Variants in PDE2A observed in about 807,000 individuals in gnomAD.
The protein encoded by PDE2A is cGMP-dependent 3',5'-cyclic phosphodiesterase.
PDE2A carries 53 observed loss-of-function variants against 133.6 expected under a neutral mutation model. The observed-to-expected ratio is 0.40, with a 90% CI of 0.32 to 0.50. PDE2A has a LOEUF of 0.50. Ranked by LOEUF, PDE2A falls within the 20% of genes least tolerant of loss-of-function variation. PDE2A has a pLI of 0.73. For missense variants in PDE2A, 796 were observed against 1,232.4 expected, an observed-to-expected ratio of 0.65 and a Z score of 5.30; for synonymous variants, 491 against 490.2, an observed-to-expected ratio of 1.00 and a Z score of -0.02.
chr11:72,629,111 C>T (rs939318646), intron 2 of PDE2A, among the ~76,000 whole-genome samples: 3 of 152,206 alleles, frequency 2.0e-5, no homozygotes, highest in East Asian at 1.9e-4. Context: ...TCCAGATCCT[C>T]GGTCAGAGGG....
intron 27 of PDE2A, 51 bp from the exon 28 acceptor site, chr11:72,579,060 T>C (rs750930417): frequency 2.9e-6 from 4 of 1,375,216 alleles, no homozygotes; most frequent in Non-Finnish European, 3.1e-6. Context: ...TCTTTGCCCT[T>C]CTGAGGACAA....
intron 13 of PDE2A, among the ~76,000 whole-genome samples, chr11:72,587,042 A>G (rs1220890638): frequency 6.6e-6 from 1 of 152,088 alleles, no homozygotes; most frequent in Admixed American, 6.5e-5. Flanking sequence ...CCACACAAAG[A>G]TCCTCATCAT....
chr11:72,607,218 C>T (rs1018746043), intron 3 of PDE2A, among the ~76,000 whole-genome samples: 11 of 152,224 alleles, frequency 7.2e-5, no homozygotes, highest in African/African-American at 2.7e-4. Flanking sequence ...CAGCTGTCAT[C>T]CCAGCCCCCA....
intron 16 of PDE2A, 103 bp from the exon 17 acceptor site, chr11:72,585,047 G>C: frequency 1.8e-6 from 2 of 1,097,038 alleles, no homozygotes; most frequent in Non-Finnish European, 2.8e-6. Flanking sequence ...CCTGGGAGGA[G>C]TGCTCCAAGG....
At chr11:72,629,121 G>A (rs1376140240) in intron 2 of PDE2A, among the ~76,000 whole-genome samples, 1 of 152,252 alleles carries the variant, frequency 6.6e-6, no homozygotes, top group Non-Finnish European at 1.5e-5. Flanking sequence ...CGGTCAGAGG[G>A]AAGAGGCAGC....
At chr11:72,638,953 C>T (rs1858831002) in intron 2 of PDE2A, among the ~76,000 whole-genome samples, 1 of 152,320 alleles carries the variant, frequency 6.6e-6, no homozygotes, top group East Asian at 1.9e-4. Flanking sequence ...TCTCTGCCCA[C>T]CCCAACACCC....
At chr11:72,643,818 G>GCGGC (rs1385814291) in intron 1 of PDE2A, among the ~76,000 whole-genome samples, 1 of 152,010 alleles carries the variant, frequency 6.6e-6, no homozygotes, top group Non-Finnish European at 1.5e-5. Context: ...AACTCAGGGG[G>GCGGC]CAGCCCTCCA....
chr11:72,656,393 T>C (rs1409173581), intron 1 of PDE2A, among the ~76,000 whole-genome samples: 1 of 152,050 alleles, frequency 6.6e-6, no homozygotes, highest in Non-Finnish European at 1.5e-5. Context: ...GGCCCTTGCC[T>C]CCTGTAGGTG....
intron 27 of PDE2A, 96 bp from the exon 28 acceptor site, chr11:72,579,105 A>C (rs894670670): frequency 3.1e-5 from 32 of 1,028,612 alleles, no homozygotes; most frequent in Non-Finnish European, 2.9e-5. Context: ...GGTCCAGGGA[A>C]TTGGGCACCC....
chr11:72,591,221 C>T lies in PDE2A; in HGVS notation c.549+76G>A, dbSNP rs141615719. 1.6e-3 allele frequency: 2,017 copies of T among 1,258,764 alleles called. 44 individuals are homozygous for T. The Admixed American group carries it at 0.032, about 20-fold the overall frequency. The allele number at this position is 1,258,764 out of a possible 1,614,324, so 78.0% of individuals were successfully genotyped here. A position where few individuals can be genotyped will look rare whatever the true frequency, so the allele number is the denominator to read the frequency against. On this transcript the variant is annotated intron_variant, in intron 7 of 30. Transcript: ENST00000334456. ...AGCTGAAACCCAGGTCTGTCCAGCTCCCTGGCCAGGCCATCTTCCCACCAG... is the reference window on the plus strand; with the variant it reads ...AGCTGAAACCCAGGTCTGTCCAGCTTCCTGGCCAGGCCATCTTCCCACCAG...
intron 2 of PDE2A, among the ~76,000 whole-genome samples, chr11:72,641,368 T>TATGAGC (rs1858944240): frequency 6.6e-6 from 1 of 152,144 alleles, no homozygotes; most frequent in Non-Finnish European, 1.5e-5. Flanking sequence ...AGCCCTGCTC[T>TATGAGC]CTGAGCCTGC....
chr11:72,644,724 ATTTATTTTATTTTATTTTATTTTAT>A (rs71062783), intron 1 of PDE2A, among the ~76,000 whole-genome samples: 10 of 148,724 alleles, frequency 6.7e-5, no homozygotes, highest in African/African-American at 1.5e-4. Context: ...AAGTTATTTT[ATTTATTTTATTTTATTTTATTTTAT>A]TTTATTTTAT....
At chr11:72,603,928 G>A (rs1332595227) in intron 4 of PDE2A, among the ~76,000 whole-genome samples, 1 of 152,236 alleles carries the variant, frequency 6.6e-6, no homozygotes, top group African/African-American at 2.4e-5. Flanking sequence ...AGGGGCCTCA[G>A]GACCATGAGT....
chr11:72,596,472 T>A lies in PDE2A; in HGVS notation c.489+121A>T, dbSNP rs1430184307. 8.3e-3 allele frequency: 1,809 copies of A among 218,638 alleles called. 6 individuals are homozygous for A. The highest frequency in any genetic ancestry group is 0.01 in the Non-Finnish European group (1,258 of 123,890). The allele number at this position is 218,638 out of a possible 1,614,324, so 13.5% of individuals were successfully genotyped here. On this transcript the variant is annotated intron_variant, in intron 6 of 30. Coordinates refer to ENST00000334456, the MANE Select transcript of PDE2A (RefSeq NM_002599.5). The stretch of plus-strand genomic sequence containing the variant: ...TATGGCTCCCATCTCTCTCTCTCTC[T>A]CTCTCTCTCTCTCACACACACACAC...
rs749922442 is a variant in PDE2A at position 72,605,170 on chromosome 11, G to A, written c.291C>T (p.Pro97=). ...DGESQLVCED[P]PHELPQEGKV... is the part of the protein sequence containing the mutation. Reference sequence around the variant, plus strand: ...TCCCCTCCTGGGGCAGCTCATGTGGGGGGTCCTCACACACCAGCTGGGACT... The same window carrying A: ...TCCCCTCCTGGGGCAGCTCATGTGGAGGGTCCTCACACACCAGCTGGGACT... The change falls in exon 4 of 31, where the codon CCC becomes CCT. Residue 97 remains proline (P), a synonymous_variant. Transcript: ENST00000334456. 1.2e-6 allele frequency: 2 copies of A among 1,611,242 alleles called. No individual in the cohort carries two copies. Among genetic ancestry groups the A allele is most frequent in the Non-Finnish European group, 8.5e-7 (1 of 1,178,424 alleles).
intron 1 of PDE2A, among the ~76,000 whole-genome samples, chr11:72,670,518 G>T (rs1351418483): frequency 6.6e-6 from 1 of 150,792 alleles, no homozygotes; most frequent in Non-Finnish European, 1.5e-5. Flanking sequence ...ATAAAACCAA[G>T]AGACTCACAG....
chr11:72,610,149 GGA>G (rs1390641726), intron 2 of PDE2A, among the ~76,000 whole-genome samples: 2 of 152,138 alleles, frequency 1.3e-5, no homozygotes, highest in African/African-American at 4.8e-5. Flanking sequence ...CTAAAGCAGA[GGA>G]GACCCAGGGT....
At chr11:72,631,003 C>T in intron 2 of PDE2A, 2 of 1,237,266 alleles carry the variant, frequency 1.6e-6, no homozygotes, top group African/African-American at 1.5e-5. Context: ...AGGGGGAGGG[C>T]ACCACTCAGA....
intron 2 of PDE2A, among the ~76,000 whole-genome samples, chr11:72,639,742 A>G (rs1319385072): frequency 1.3e-5 from 2 of 152,096 alleles, no homozygotes; most frequent in East Asian, 3.9e-4. Context: ...CCCAAAACAA[A>G]GGGCTTGGTC....
Sources: gnomAD v4.1 joint callset for allele counts (sites outside exome capture counted in the v4.1 genomes callset) on GRCh38, gnomAD v4.1.1 for gene constraint, MANE v1.5 for transcripts, NCBI Gene and HGNC (gene_info 2026-07-23, HGNC 2026-07-21) for gene names.